MED14: variants seen among roughly 807,000 people sequenced by gnomAD.
The protein encoded by MED14 is mediator of RNA polymerase II transcription subunit 14.
MED14 carries 8 observed loss-of-function variants against 109.0 expected under a neutral mutation model. The observed-to-expected ratio is 0.07, with a 90% CI of 0.04 to 0.13. MED14 has a LOEUF of 0.13. Among genes scored for constraint, MED14 ranks in the 10% least tolerant of loss-of-function variants. The pLI is 1.00. For synonymous variants in MED14, 399 were observed against 408.7 expected (o/e 0.98, Z 0.29); for missense variants, 711 against 1,142.4 (o/e 0.62, Z 5.44).
intron 10 of MED14, among the ~76,000 whole-genome samples, chrX:40,706,961 CTTCT>C (rs1371380627): frequency 8.9e-6 from 1 of 111,901 alleles, no homozygotes; most frequent in Non-Finnish European, 1.9e-5. Flanking sequence ...TACTTAAAGT[CTTCT>C]TTAAGAACAA....
intron 22 of MED14, among the ~76,000 whole-genome samples, chrX:40,674,816 C>T (rs1929857849): frequency 8.9e-6 from 1 of 112,277 alleles, no homozygotes; most frequent in South Asian, 3.7e-4. Flanking sequence ...GTCTTGAGGA[C>T]AGAACCCTGA....
intron 3 of MED14, among the ~76,000 whole-genome samples, chrX:40,715,222 T>C (rs1038741481): frequency 1.8e-5 from 2 of 111,606 alleles, no homozygotes; most frequent in Non-Finnish European, 3.8e-5. Context: ...AGTTGTTCTC[T>C]GTATTAAGAG....
Position 40,692,919 on chromosome X carries a change from G to A in MED14, c.1651-17C>T. On this transcript the variant is annotated splice_polypyrimidine_tract_variant and intron_variant, in intron 13 of 30. Transcript: ENST00000324817. ...CTCCACAACCTAAAAATCCCAAAAAGAAATAAGACTTAGAGAAATAAGAAG... is the reference window on the plus strand; with the variant it reads ...CTCCACAACCTAAAAATCCCAAAAAAAAATAAGACTTAGAGAAATAAGAAG... The A allele has an allele frequency of 9.0e-7, 1 of 1,105,189 alleles. No homozygotes were observed. Among genetic ancestry groups the A allele is most frequent in the East Asian group, 3.3e-5 (1 of 29,900 alleles). 91.1% of individuals were successfully genotyped at this position (1,105,189 alleles called of 1,213,427 possible). A position where few individuals can be genotyped will look rare whatever the true frequency, so the allele number is the denominator to read the frequency against.
intron 23 of MED14, among the ~76,000 whole-genome samples, chrX:40,671,151 A>C (rs369472604): frequency 1.8e-5 from 2 of 111,991 alleles, no homozygotes; most frequent in South Asian, 3.7e-4. Context: ...CATTCTCCCC[A>C]ATAAATCTGA....
chrX:40,650,506 TA>T lies in MED14; in HGVS notation c.*1299del. ...GGTAACTCGGCATGGTATTATCACT[TA>T]AAAATTTTTCCTAAATACCATGAAG... On this transcript the variant is annotated 3_prime_UTR_variant, in exon 31 of 31. Transcript: ENST00000324817. 1.1e-5 allele frequency: 8 copies of T among 753,982 alleles called. No homozygotes were observed. Among genetic ancestry groups the T allele is most frequent in the Non-Finnish European group, 1.3e-5 (8 of 639,049 alleles). The allele number at this position is 753,982 out of a possible 1,213,427, so 62.1% of individuals were successfully genotyped here. A position where few individuals can be genotyped will look rare whatever the true frequency, so the allele number is the denominator to read the frequency against.
intron 12 of MED14, among the ~76,000 whole-genome samples, chrX:40,700,782 T>C (rs951436521): frequency 6.2e-5 from 7 of 112,010 alleles, no homozygotes; most frequent in African/African-American, 1.9e-4. Context: ...ATGACTATTT[T>C]GAAAGTGTCA....
intron 3 of MED14, among the ~76,000 whole-genome samples, chrX:40,719,495 G>GA (rs1326397445): frequency 9.0e-6 from 1 of 110,915 alleles, no homozygotes; most frequent in African/African-American, 3.3e-5. Flanking sequence ...GCTACCACAT[G>GA]AATCAATCTT....
At chrX:40,699,984 C>A (rs1402459468) in intron 12 of MED14, among the ~76,000 whole-genome samples, 2 of 109,820 alleles carry the variant, frequency 1.8e-5, no homozygotes, top group Non-Finnish European at 3.8e-5. Context: ...TCCGTCTCTA[C>A]TAAAAATACA....
intron 16 of MED14, among the ~76,000 whole-genome samples, chrX:40,688,038 A>C (rs1167885955): frequency 9.0e-6 from 1 of 111,434 alleles, no homozygotes; most frequent in Non-Finnish European, 1.9e-5. Context: ...AACATGGTGA[A>C]ACCCCGTCTC....
rs768530838 is a variant in MED14, at chrX:40,688,869, G to A, written c.1981-339C>T. Among the ~76,000 whole-genome samples the A allele has an allele frequency of 3.4e-3, 378 of 112,193 alleles. 1 individual carries two copies. The highest frequency in any genetic ancestry group is 0.012 in the African/African-American group (359 of 30,964). On this transcript the variant is annotated intron_variant, in intron 15 of 30. Coordinates refer to ENST00000324817, the MANE Select transcript of MED14 (RefSeq NM_004229.4). ...CAAGAGGCCACAAGAATGGTTTCTCGTGTAATTCTCTTCTGTTTGTTCAAA... is the reference window on the plus strand; with the variant it reads ...CAAGAGGCCACAAGAATGGTTTCTCATGTAATTCTCTTCTGTTTGTTCAAA...
chrX:40,731,353 A>C lies in MED14; in HGVS notation c.216-2008T>G, dbSNP rs1569300635. On this transcript the variant is annotated intron_variant, in intron 1 of 30. Transcript: ENST00000324817. Reference sequence around the variant, plus strand: ...ACACACAAGCATCACATATTACTGAAGTAACTGTTTCCCTAAAGACTCATA... The same window carrying C: ...ACACACAAGCATCACATATTACTGACGTAACTGTTTCCCTAAAGACTCATA... Among the ~76,000 whole-genome samples the C allele has an allele frequency of 2.7e-5, 3 of 111,098 alleles. No individual in the cohort carries two copies. The Admixed American group carries it at 2.9e-4, about 11-fold the overall frequency.
chrX:40,735,153 C>T, intron 1 of MED14, 45 bp downstream of exon 1: 4 of 821,452 alleles, frequency 4.9e-6, no homozygotes, highest in Non-Finnish European at 4.6e-6. Context: ...GCCGGTTGGG[C>T]GGGAAGGGGG....
At position 40,731,914 on chromosome X, in the gene MED14, C is replaced by T. The variant is rs144223260; in HGVS notation, c.216-2569G>A. 8.3e-3 allele frequency among the ~76,000 whole-genome samples: 931 copies of T among 112,197 alleles called. 13 individuals carry two copies. Among genetic ancestry groups the T allele is most frequent in the African/African-American group, 0.029 (888 of 30,882 alleles). The stretch of plus-strand genomic sequence containing the variant: ...TAAATACTTAGTTAAGCCCTGTGTG[C>T]CAGGCATTGTTCTAGGCACCAGGGA... On this transcript the variant is annotated intron_variant, in intron 1 of 30. Coordinates refer to ENST00000324817, the MANE Select transcript of MED14 (RefSeq NM_004229.4).
rs371884440 is a variant in MED14 at position 40,692,699 on chromosome X, G to A, written c.1845+9C>T. On this transcript the variant is annotated intron_variant, in intron 14 of 30. Transcript: ENST00000324817. ...CAAATTCTGTGCTCATTTTCATATGGAATCATACCTTGCGCTTGGCATTGG... is the reference window on the plus strand; with the variant it reads ...CAAATTCTGTGCTCATTTTCATATGAAATCATACCTTGCGCTTGGCATTGG... 55 of 1,198,129 alleles carry A rather than the reference G, an allele frequency of 4.6e-5. No individual in the cohort carries two copies. Among genetic ancestry groups the A allele is most frequent in the Non-Finnish European group, 1.5e-5 (13 of 890,573 alleles).
intron 4 of MED14, 73 bp from the exon 5 acceptor site, chrX:40,713,980 T>C: frequency 9.5e-7 from 1 of 1,054,788 alleles, no homozygotes; most frequent in Non-Finnish European, 1.3e-6. Flanking sequence ...TTCCTGTCTT[T>C]ATACAGTGTT....
At chrX:40,677,419 G>C (rs1030495807) in intron 21 of MED14, among the ~76,000 whole-genome samples, 3 of 110,665 alleles carry the variant, frequency 2.7e-5, no homozygotes, top group African/African-American at 9.9e-5. Context: ...TAACATTTGA[G>C]GAAAGACACT....
intron 15 of MED14, among the ~76,000 whole-genome samples, chrX:40,691,086 T>G (rs1015578487): frequency 3.6e-5 from 4 of 112,065 alleles, no homozygotes; most frequent in Non-Finnish European, 7.5e-5. Context: ...GTATCACTTT[T>G]GAGGGGCTAC....
rs1041604431 is a variant in MED14, at chrX:40,698,145, A to G, written c.1491-962T>C. Among the ~76,000 whole-genome samples the G allele has an allele frequency of 2.7e-5, 3 of 112,468 alleles. No homozygotes were observed. In the East Asian group the frequency reaches 8.3e-4, roughly 31 times the overall value. On this transcript the variant is annotated intron_variant, in intron 12 of 30. Transcript: ENST00000324817. Reference sequence around the variant, plus strand: ...TAAAAATGAATATCCTGAACTTGCTAAAATTTATTTCAAATCTCTACTTTG... The same window carrying G: ...TAAAAATGAATATCCTGAACTTGCTGAAATTTATTTCAAATCTCTACTTTG...
intron 24 of MED14, among the ~76,000 whole-genome samples, chrX:40,665,053 C>T (rs1929424822): frequency 8.9e-6 from 1 of 111,992 alleles, no homozygotes; most frequent in African/African-American, 3.2e-5. Context: ...ATTTCATCCT[C>T]CAGATACCTT....
Sources: allele counts gnomAD v4.1 joint callset (sites outside exome capture counted in the v4.1 genomes callset), GRCh38; gene constraint gnomAD v4.1.1; transcripts MANE v1.5; gene names NCBI Gene and HGNC (gene_info 2026-07-23, HGNC 2026-07-21).